Variants in PCNX1 observed in about 807,000 individuals in gnomAD.
The protein encoded by PCNX1 is pecanex-like protein 1.
PCNX1 carries 78 observed loss-of-function variants against 242.2 expected under a neutral mutation model. The observed-to-expected ratio is 0.32, with a 90% CI of 0.27 to 0.39. The LOEUF (loss-of-function observed/expected upper bound fraction) is 0.39, where lower values mean the gene tolerates loss of function less well. Ranked by LOEUF, PCNX1 falls within the 10% of genes least tolerant of loss-of-function variation. The probability of loss-of-function intolerance (pLI) is 1.00; values close to 1 mark genes in which losing one functional copy is unlikely to be tolerated. For missense variants in PCNX1, 2,581 were observed against 2,856.5 expected (o/e 0.90, Z 2.20); for synonymous variants, 1,024 against 1,032.9 (o/e 0.99, Z 0.17).
intron 5 of PCNX1, among the ~76,000 whole-genome samples, chr14:70,973,852 A>G (rs1389610507): frequency 6.6e-6 from 1 of 152,022 alleles, no homozygotes; most frequent in East Asian, 1.9e-4. Context: ...TCATTTTTTC[A>G]TATTTTTTTG....
At chr14:71,079,893 A>G (rs2061809900) in intron 28 of PCNX1, among the ~76,000 whole-genome samples, 1 of 152,136 alleles carries the variant, frequency 6.6e-6, no homozygotes, top group Non-Finnish European at 1.5e-5. Context: ...CCATTTGTCA[A>G]TTTTGGCTTT....
At chr14:70,983,646 G>T (rs1430423256) in intron 6 of PCNX1, among the ~76,000 whole-genome samples, 3 of 150,676 alleles carry the variant, frequency 2.0e-5, no homozygotes, top group Admixed American at 6.6e-5. Flanking sequence ...TCCTTGGCTT[G>T]TCAAAAAGTA....
chr14:71,094,595 T>A (rs933023157), intron 30 of PCNX1, among the ~76,000 whole-genome samples: 2 of 152,022 alleles, frequency 1.3e-5, no homozygotes, highest in African/African-American at 4.8e-5. Flanking sequence ...CCCCACCCCC[T>A]CCAACCTTAT....
chr14:70,985,479 G>T (rs529321799), intron 6 of PCNX1, among the ~76,000 whole-genome samples: 2 of 152,222 alleles, frequency 1.3e-5, no homozygotes, highest in Non-Finnish European at 2.9e-5. Flanking sequence ...CTCCCAAAGT[G>T]CTGGGATTAC....
chr14:71,008,655 CAAAAAAAAAAAAAAA>C (rs777494885), intron 8 of PCNX1, among the ~76,000 whole-genome samples: 5 of 32,752 alleles, frequency 1.5e-4, no homozygotes, highest in Admixed American at 3.5e-4. Flanking sequence ...GACTCTGTCT[CAAAAAAAAAAAAAAA>C]AAAAAAAAAA....
intron 27 of PCNX1, among the ~76,000 whole-genome samples, chr14:71,074,881 G>A (rs906347524): frequency 2.6e-5 from 4 of 151,992 alleles, no homozygotes; most frequent in Non-Finnish European, 5.9e-5. Context: ...ATACAGTATG[G>A]TTGTCACTTA....
chr14:70,910,053 CCTCCT>C (rs2055770239), intron 1 of PCNX1, among the ~76,000 whole-genome samples: 1 of 81,696 alleles, frequency 1.2e-5, no homozygotes, highest in Non-Finnish European at 2.6e-5. Context: ...TCCTCCTCCT[CCTCCT>C]CCTCCCCCTC....
intron 19 of PCNX1, among the ~76,000 whole-genome samples, chr14:71,042,159 T>C (rs1219187032): frequency 6.6e-6 from 1 of 152,146 alleles, no homozygotes; most frequent in Non-Finnish European, 1.5e-5. Flanking sequence ...TTGCAGCTAT[T>C]GGATGACATA....
intron 15 of PCNX1, chr14:71,027,123 A>G (rs1050466273): frequency 5.8e-6 from 2 of 347,630 alleles, no homozygotes; most frequent in East Asian, 5.9e-5. Flanking sequence ...AAGTTATAAA[A>G]TAATGTCTGC....
At chr14:71,051,184 A>C (rs1446090257) in intron 23 of PCNX1, among the ~76,000 whole-genome samples, 14 of 150,324 alleles carry the variant, frequency 9.3e-5, no homozygotes, top group Admixed American at 3.3e-4. Context: ...AAAAAAAAAA[A>C]AAAAAAAAAA....
At chr14:71,033,642 CT>C in intron 17 of PCNX1, 104 bp downstream of exon 17, 1 of 670,486 alleles carries the variant, frequency 1.5e-6, no homozygotes, top group Non-Finnish European at 2.6e-6. Flanking sequence ...TTCCAAAGTG[CT>C]TTGGCCTAAT....
In PCNX1 at chr14:71,035,585, C is replaced by A. The variant is rs560572203; in HGVS notation, c.3775-480C>A. Among the ~76,000 whole-genome samples the A allele has an allele frequency of 9.5e-4, 142 of 148,860 alleles. 1 individual carries two copies. The highest frequency in any genetic ancestry group is 1.6e-3 in the Non-Finnish European group (107 of 67,332). On this transcript the variant is annotated intron_variant, in intron 18 of 35. Transcript: ENST00000304743. Reference sequence around the variant, plus strand: ...GATCAGCCTGGCCAACATGGTGAAACCCTGTCTCTACTAAAAATACAAAAT... The same window carrying A: ...GATCAGCCTGGCCAACATGGTGAAAACCTGTCTCTACTAAAAATACAAAAT...
At chr14:70,975,632 A>T (rs1055958591) in intron 5 of PCNX1, among the ~76,000 whole-genome samples, 1 of 152,174 alleles carries the variant, frequency 6.6e-6, no homozygotes, top group Non-Finnish European at 1.5e-5. Flanking sequence ...CTATGACAAG[A>T]CAATAATTTT....
chr14:70,931,091 C>A (rs1380752026), intron 1 of PCNX1, among the ~76,000 whole-genome samples: 2 of 152,184 alleles, frequency 1.3e-5, no homozygotes, highest in Non-Finnish European at 2.9e-5. Context: ...CTAAACCCTT[C>A]TTTCTCCCTT....
chr14:70,923,634 C>G (rs1270514237), intron 1 of PCNX1, among the ~76,000 whole-genome samples: 5 of 152,176 alleles, frequency 3.3e-5, no homozygotes, highest in Non-Finnish European at 5.9e-5. Flanking sequence ...CTGCCTCTCC[C>G]CTACCATACT....
At chr14:71,105,494 G>GGT in intron 33 of PCNX1, 54 bp downstream of exon 33, 1 of 1,339,462 alleles carries the variant, frequency 7.5e-7, no homozygotes. Flanking sequence ...CATAGAGGCT[G>GGT]GTTAGTATAT....
rs1372781417 is a variant in PCNX1, at chr14:71,111,114, A to AGTGT, written c.*1182_*1185dup. 2.0e-5 allele frequency: 3 copies of AGTGT among 152,362 alleles called. No individual in the cohort carries two copies. The highest frequency in any genetic ancestry group is 7.3e-5 in the African/African-American group (3 of 41,330). 9.4% of individuals were successfully genotyped at this position (152,362 alleles called of 1,614,324 possible). A position where few individuals can be genotyped will look rare whatever the true frequency, so the allele number is the denominator to read the frequency against. ...TTGAATTTTATTTCCTGTAATTTAT[A>AGTGT]GTGTGTAGCTGTAAATTGAAATATT... On this transcript the variant is annotated 3_prime_UTR_variant, in exon 36 of 36. Coordinates refer to ENST00000304743, the MANE Select transcript of PCNX1 (RefSeq NM_014982.3).
At chr14:71,032,738 C>A (rs1359489719) in intron 16 of PCNX1, among the ~76,000 whole-genome samples, 1 of 152,168 alleles carries the variant, frequency 6.6e-6, no homozygotes, top group Admixed American at 6.5e-5. Flanking sequence ...AGAACTGTTA[C>A]CTGTTCCAGT....
At chr14:71,083,419 T>A (rs1468452126) in intron 28 of PCNX1, among the ~76,000 whole-genome samples, 1 of 152,160 alleles carries the variant, frequency 6.6e-6, no homozygotes, top group African/African-American at 2.4e-5. Flanking sequence ...GCTGGGGAAG[T>A]TCTAGGTAAT....
Sources: allele counts gnomAD v4.1 joint callset (sites outside exome capture counted in the v4.1 genomes callset), GRCh38; gene constraint gnomAD v4.1.1; transcripts MANE v1.5; gene names NCBI Gene and HGNC (gene_info 2026-07-23, HGNC 2026-07-21).